Variants in OR5T1 observed in about 807,000 individuals in gnomAD.
OR5T1 encodes olfactory receptor family 5 subfamily T member 1.
In OR5T1, 14 loss-of-function variants were observed where a neutral mutation model predicts 10.1. The ratio of observed to expected loss-of-function variants is 1.39; its 90% CI spans 0.92 to 2.18. The LOEUF is 2.18. Ranked by LOEUF, OR5T1 falls within the 30% of genes most tolerant of loss-of-function variation. OR5T1 has a pLI of 0.00. For missense variants in OR5T1, 461 were observed against 383.9 expected (o/e 1.20, Z -1.68); for synonymous variants, 166 against 141.2 (o/e 1.18, Z -1.24).
chr11:56,276,343 G>T lies in OR5T1; in HGVS notation c.705G>T (p.Leu235Phe), dbSNP rs544511198. 6.2e-7 allele frequency: 1 copy of T among 1,613,986 alleles called. No homozygotes were observed. Among genetic ancestry groups the T allele is most frequent in the Non-Finnish European group, 8.5e-7 (1 of 1,180,000 alleles). ...TGATCTCCTATGGTTTTATTCTGTT[G>T]GCCATTCTGAAGATGCAGTCTGCTG... ...IVLISYGFIL[L>F]AILKMQSAEG... is the part of the protein sequence containing the mutation. Residue 235 changes from leucine (L) to phenylalanine (F), a missense_variant, in exon 3 of 3, where the codon TTG becomes TTT. Leu to Phe is a conservative substitution (Grantham distance 22, BLOSUM62 0). Transcript: ENST00000641665.
rs112370265 is a variant in OR5T1 at position 56,276,253 on chromosome 11, C to A, written c.615C>A (p.His205Gln). The A allele has an allele frequency of 1.5e-5, 24 of 1,614,110 alleles. No homozygotes were observed. In the African/African-American group the frequency reaches 2.1e-4, roughly 14 times the overall value. The change falls in exon 3 of 3, where the codon CAC (histidine) becomes CAA (glutamine). Residue 205 changes from histidine (H) to glutamine (Q), a missense_variant. Coordinates refer to ENST00000641665, the MANE Select transcript of OR5T1 (RefSeq NM_001004745.2). ...PLLAISCSDT[H>Q]VIQLLFFYFV... is the part of the protein sequence containing the mutation. ...TTGCTATTTCTTGTTCTGACACTCA[C>A]GTAATCCAGCTTCTATTCTTCTACT...
At position 56,276,657 on chromosome 11, in the gene OR5T1, T is replaced by G. The variant is rs368550820; in HGVS notation, c.*38T>G. The G allele has an allele frequency of 2.3e-4, 325 of 1,427,748 alleles. No homozygotes were observed. The highest frequency in any genetic ancestry group is 3.0e-4 in the Non-Finnish European group (312 of 1,031,838). 88.4% of individuals were successfully genotyped at this position (1,427,748 alleles called of 1,614,324 possible). On this transcript the variant is annotated 3_prime_UTR_variant, in exon 3 of 3. Coordinates refer to ENST00000641665, the MANE Select transcript of OR5T1 (RefSeq NM_001004745.2). ...GTAAAGTTGCAAATAATATTGGGTGTCAGTCCACATCTCTATGGTCAGAAA... is the reference window on the plus strand; with the variant it reads ...GTAAAGTTGCAAATAATATTGGGTGGCAGTCCACATCTCTATGGTCAGAAA...
rs112452716 is a variant in OR5T1 at position 56,275,658 on chromosome 11, A to G, written c.20A>G (p.Asp7Gly). MSGLPS[D>G]MDLYKLQLNN... ...GCTAAAATGTCAGGGTTGCCTTCAGATATGGATCTATACAAGCTTCAATTA... is the reference window on the plus strand; with the variant it reads ...GCTAAAATGTCAGGGTTGCCTTCAGGTATGGATCTATACAAGCTTCAATTA... The change falls in exon 3 of 3, where the codon GAT (aspartate) becomes GGT (glycine). Residue 7 changes from aspartate (D) to glycine (G), a missense_variant. Transcript: ENST00000641665. 54 of 1,585,660 alleles carry G rather than the reference A, an allele frequency of 3.4e-5. No individual in the cohort carries two copies. In the African/African-American group the frequency reaches 4.5e-4, roughly 13 times the overall value.
Position 56,275,959 on chromosome 11 carries a change from T to C in OR5T1, c.321T>C (p.Leu107=). The change falls in exon 3 of 3, where the codon CTT becomes CTC. Residue 107 remains leucine (L), a synonymous_variant. Transcript: ENST00000641665. ...CAAAAAATAAATCTATTTCATTTCT[T>C]GGATGTGCAACACAGATGTTTCTTG... ...FLAKNKSISF[L]GCATQMFLAC... is the part of the protein sequence containing the mutation. 1 of 1,614,218 alleles carries C rather than the reference T, an allele frequency of 6.2e-7. No individual in the cohort carries two copies. Among genetic ancestry groups the C allele is most frequent in the East Asian group, 2.2e-5 (1 of 44,870 alleles).
chr11:56,276,224 C>T lies in OR5T1; in HGVS notation c.586C>T (p.Leu196=), dbSNP rs768903111. The stretch of plus-strand genomic sequence containing the variant: ...GCATGTCTTTTGTAATATGCCTCCT[C>T]TGCTTGCTATTTCTTGTTCTGACAC... ...IRHVFCNMPP[L]LAISCSDTHV... is the part of the protein sequence containing the mutation. Residue 196 remains leucine, a synonymous_variant, in exon 3 of 3, where the codon CTG becomes TTG. Coordinates refer to ENST00000641665, the MANE Select transcript of OR5T1 (RefSeq NM_001004745.2). 7 of 1,614,056 alleles carry T rather than the reference C, an allele frequency of 4.3e-6. No homozygotes were observed. In the Admixed American group the frequency reaches 1.2e-4, roughly 27 times the overall value.
Position 56,275,695 on chromosome 11 carries a change from T to G in OR5T1, c.57T>G (p.Thr19=), listed in dbSNP as rs1853928255. 6.2e-7 allele frequency: 1 copy of G among 1,607,250 alleles called. No individual in the cohort carries two copies. The highest frequency in any genetic ancestry group is 8.5e-7 in the Non-Finnish European group (1 of 1,175,886). The change falls in exon 3 of 3, where the codon ACT becomes ACG. Residue 19 remains threonine, a synonymous_variant. Coordinates refer to ENST00000641665, the MANE Select transcript of OR5T1 (RefSeq NM_001004745.2). ...ACAAGCTTCAATTAAACAATTTTACTGAAGTCACCATGTTTATATTAATAA... is the reference window on the plus strand; with the variant it reads ...ACAAGCTTCAATTAAACAATTTTACGGAAGTCACCATGTTTATATTAATAA... The part of the protein sequence containing the change: ...DLYKLQLNNF[T]EVTMFILISF...
rs12270869 is a variant in OR5T1, at chr11:56,274,863, T to C, written c.-154+110T>C. ...ATAAATTTTAATATAAGCCTGACATTGCATTTTCTAGTTATCTGGGCATAT... is the reference window on the plus strand; with the variant it reads ...ATAAATTTTAATATAAGCCTGACATCGCATTTTCTAGTTATCTGGGCATAT... On this transcript the variant is annotated intron_variant, in intron 2 of 2. Coordinates refer to ENST00000641665, the MANE Select transcript of OR5T1 (RefSeq NM_001004745.2). 2.4e-3 allele frequency: 373 copies of C among 152,276 alleles called. 3 individuals are homozygous for C. The highest frequency in any genetic ancestry group is 7.6e-3 in the African/African-American group (317 of 41,556). 9.4% of individuals were successfully genotyped at this position (152,276 alleles called of 1,614,324 possible).
chr11:56,275,554 T>C lies in OR5T1; in HGVS notation c.-85T>C. 1 of 1,141,134 alleles carries C rather than the reference T, an allele frequency of 8.8e-7. No homozygotes were observed. Among genetic ancestry groups the C allele is most frequent in the Non-Finnish European group, 1.2e-6 (1 of 808,084 alleles). The allele number at this position is 1,141,134 out of a possible 1,614,324, so 70.7% of individuals were successfully genotyped here. ...TGCTGACAAGGATTTCATCTTGCTT[T>C]TCCAAGAAACGAACATGAGGATATA... On this transcript the variant is annotated 5_prime_UTR_variant, in exon 3 of 3. Transcript: ENST00000641665.
chr11:56,276,685 A>G lies in OR5T1; in HGVS notation c.*66A>G. 8.5e-7 allele frequency: 1 copy of G among 1,176,270 alleles called. No homozygotes were observed. Among genetic ancestry groups the G allele is most frequent in the Non-Finnish European group, 1.2e-6 (1 of 826,768 alleles). 72.9% of individuals were successfully genotyped at this position (1,176,270 alleles called of 1,614,324 possible). ...GTCCACATCTCTATGGTCAGAAAGT[A>G]GAGAAGAAAATGTGTTTCTTTTAGT... On this transcript the variant is annotated 3_prime_UTR_variant, in exon 3 of 3. Coordinates refer to ENST00000641665, the MANE Select transcript of OR5T1 (RefSeq NM_001004745.2).
Position 56,275,779 on chromosome 11 carries a change from T to TTATTTTAGC in OR5T1, c.141_142insTATTTTAGC (p.Tyr47_Leu48insTyrPheSer). 21 of 1,613,022 alleles carry TTATTTTAGC rather than the reference T, an allele frequency of 1.3e-5. No homozygotes were observed. Among genetic ancestry groups the TTATTTTAGC allele is most frequent in the Non-Finnish European group, 1.8e-5 (21 of 1,179,026 alleles). ...TATTTTTATTATTTTTAGCAATCTA[T>TTATTTTAGC]CTATTCACTCTAATAGGCAATTTAG... On this transcript the variant is annotated inframe_insertion, in exon 3 of 3. Transcript: ENST00000641665.
Position 56,275,698 on chromosome 11 carries a change from A to G in OR5T1, c.60A>G (p.Glu20=), listed in dbSNP as rs561371722. Residue 20 remains glutamate (E), a synonymous_variant, in exon 3 of 3, where the codon GAA becomes GAG. Coordinates refer to ENST00000641665, the MANE Select transcript of OR5T1 (RefSeq NM_001004745.2). The part of the protein sequence containing the change: ...LYKLQLNNFT[E]VTMFILISFT... ...AGCTTCAATTAAACAATTTTACTGA[A>G]GTCACCATGTTTATATTAATAAGCT... 6.2e-7 allele frequency: 1 copy of G among 1,607,446 alleles called. No homozygotes were observed. Among genetic ancestry groups the G allele is most frequent in the Admixed American group, 1.7e-5 (1 of 59,506 alleles).
In OR5T1 at chr11:56,276,766, A is replaced by T. The variant is rs566317379; in HGVS notation, c.*147A>T. On this transcript the variant is annotated 3_prime_UTR_variant, in exon 3 of 3. Coordinates refer to ENST00000641665, the MANE Select transcript of OR5T1 (RefSeq NM_001004745.2). Reference sequence around the variant, plus strand: ...CAAATAAAGCATCAATCAGCCTACTAATTCACCATTTTAGAAATATCAATA... The same window carrying T: ...CAAATAAAGCATCAATCAGCCTACTTATTCACCATTTTAGAAATATCAATA... The T allele has an allele frequency of 1.6e-6, 1 of 621,550 alleles. No homozygotes were observed. The highest frequency in any genetic ancestry group is 3.1e-5 in the Admixed American group (1 of 32,466). 38.5% of individuals were successfully genotyped at this position (621,550 alleles called of 1,614,324 possible). A position where few individuals can be genotyped will look rare whatever the true frequency, so the allele number is the denominator to read the frequency against.
chr11:56,275,949 T>C lies in OR5T1; in HGVS notation c.311T>C (p.Ile104Thr). 6.2e-7 allele frequency: 1 copy of C among 1,614,172 alleles called. No individual in the cohort carries two copies. Among genetic ancestry groups the C allele is most frequent in the Non-Finnish European group, 8.5e-7 (1 of 1,180,004 alleles). ...LVNFLAKNKS[I>T]SFLGCATQMF... ...AATTTCCTGGCAAAAAATAAATCTA[T>C]TTCATTTCTTGGATGTGCAACACAG... The change falls in exon 3 of 3, where the codon ATT becomes ACT. Residue 104 changes from isoleucine (I) to threonine (T), a missense_variant. Transcript: ENST00000641665.
rs1305155658 is a variant in OR5T1, at chr11:56,276,103, A to G, written c.465A>G (p.Pro155=). Residue 155 remains proline, a synonymous_variant, in exon 3 of 3, where the codon CCA becomes CCG. Coordinates refer to ENST00000641665, the MANE Select transcript of OR5T1 (RefSeq NM_001004745.2). ...GCATGTCACCCAGAGTCTATGTGCCACTCATCACTGCTTCCTATGTTGCTA... is the reference window on the plus strand; with the variant it reads ...GCATGTCACCCAGAGTCTATGTGCCGCTCATCACTGCTTCCTATGTTGCTA... The part of the protein sequence containing the change: ...SVSMSPRVYV[P]LITASYVASI... 2 of 1,614,066 alleles carry G rather than the reference A, an allele frequency of 1.2e-6. No individual in the cohort carries two copies. Among genetic ancestry groups the G allele is most frequent in the South Asian group, 1.1e-5 (1 of 91,076 alleles).
chr11:56,276,710 T>C lies in OR5T1; in HGVS notation c.*91T>C. 1 of 868,322 alleles carries C rather than the reference T, an allele frequency of 1.2e-6. No individual in the cohort carries two copies. Among genetic ancestry groups the C allele is most frequent in the Non-Finnish European group, 1.8e-6 (1 of 562,370 alleles). 53.8% of individuals were successfully genotyped at this position (868,322 alleles called of 1,614,324 possible). On this transcript the variant is annotated 3_prime_UTR_variant, in exon 3 of 3. Coordinates refer to ENST00000641665, the MANE Select transcript of OR5T1 (RefSeq NM_001004745.2). Reference sequence around the variant, plus strand: ...AGAGAAGAAAATGTGTTTCTTTTAGTTAACAGTGCTTGTAACTTCTAGAAT... The same window carrying C: ...AGAGAAGAAAATGTGTTTCTTTTAGCTAACAGTGCTTGTAACTTCTAGAAT...
chr11:56,274,337 G>A (rs142610269), intron 1 of OR5T1, among the ~76,000 whole-genome samples, 165 bp downstream of exon 1: 795 of 152,312 alleles, frequency 5.2e-3, no homozygotes, highest in Non-Finnish European at 7.9e-3. Context: ...TCATAGGAGA[G>A]AATACGTGTG....
At position 56,276,760 on chromosome 11, in the gene OR5T1, C is replaced by A; in HGVS notation, c.*141C>A. ...TATTTTCAAATAAAGCATCAATCAG[C>A]CTACTAATTCACCATTTTAGAAATA... On this transcript the variant is annotated 3_prime_UTR_variant, in exon 3 of 3. Coordinates refer to ENST00000641665, the MANE Select transcript of OR5T1 (RefSeq NM_001004745.2). The A allele has an allele frequency of 1.6e-6, 1 of 627,406 alleles. No homozygotes were observed. Among genetic ancestry groups the A allele is most frequent in the East Asian group, 2.7e-5 (1 of 36,374 alleles). 38.9% of individuals were successfully genotyped at this position (627,406 alleles called of 1,614,324 possible).
Position 56,275,948 on chromosome 11 carries a change from A to G in OR5T1, c.310A>G (p.Ile104Val). ...CAATTTCCTGGCAAAAAATAAATCT[A>G]TTTCATTTCTTGGATGTGCAACACA... ...LVNFLAKNKS[I>V]SFLGCATQMF... Residue 104 changes from isoleucine (I) to valine (V), a missense_variant, in exon 3 of 3, where the codon ATT (isoleucine) becomes GTT (valine). Transcript: ENST00000641665. 2 of 1,614,056 alleles carry G rather than the reference A, an allele frequency of 1.2e-6. No homozygotes were observed. The highest frequency in any genetic ancestry group is 2.2e-5 in the East Asian group (1 of 44,864).
chr11:56,276,765 T>A lies in OR5T1; in HGVS notation c.*146T>A. 1 of 621,626 alleles carries A rather than the reference T, an allele frequency of 1.6e-6. No individual in the cohort carries two copies. The highest frequency in any genetic ancestry group is 2.8e-6 in the Non-Finnish European group (1 of 358,804). 38.5% of individuals were successfully genotyped at this position (621,626 alleles called of 1,614,324 possible). On this transcript the variant is annotated 3_prime_UTR_variant, in exon 3 of 3. Coordinates refer to ENST00000641665, the MANE Select transcript of OR5T1 (RefSeq NM_001004745.2). The stretch of plus-strand genomic sequence containing the variant: ...TCAAATAAAGCATCAATCAGCCTAC[T>A]AATTCACCATTTTAGAAATATCAAT...
Sources: allele counts gnomAD v4.1 joint callset (sites outside exome capture counted in the v4.1 genomes callset), GRCh38; gene constraint gnomAD v4.1.1; transcripts MANE v1.5; gene names NCBI Gene and HGNC (gene_info 2026-07-23, HGNC 2026-07-21).